The following ADAM22 variants were observed in gnomAD, a reference collection of about 807,000 sequenced individuals.
ADAM22 encodes disintegrin and metalloproteinase domain-containing protein 22.
In ADAM22, 65 loss-of-function variants were observed where a neutral mutation model predicts 144.6. That is an observed-to-expected ratio of 0.45 (90% CI 0.37 to 0.55). ADAM22 has a LOEUF of 0.55. Ranked by LOEUF, ADAM22 falls within the 20% of genes least tolerant of loss-of-function variation. The pLI is 0.00. For synonymous variants in ADAM22, 391 were observed against 412.6 expected (o/e 0.95, Z 0.63); for missense variants, 974 against 1,184.9 (o/e 0.82, Z 2.61).
chr7:88,022,609 C>T lies in ADAM22; in HGVS notation c.323+44197C>T, dbSNP rs1585072948. Among the ~76,000 whole-genome samples, 5 of 152,052 alleles carry T rather than the reference C, an allele frequency of 3.3e-5. No homozygotes were observed. The South Asian group carries it at 8.3e-4, about 25-fold the overall frequency. ...GAAAATTGTCTGGAAATTTTATGAT[C>T]TGTTTTGGTGTATGAAATTTAATTT... On this transcript the variant is annotated intron_variant, in intron 3 of 31. Transcript: ENST00000413139.
At chr7:88,047,720 A>G (rs967067870) in intron 3 of ADAM22, among the ~76,000 whole-genome samples, 3 of 152,278 alleles carry the variant, frequency 2.0e-5, no homozygotes, top group African/African-American at 7.2e-5. Flanking sequence ...TGAGTTTGTA[A>G]TACACTGAGA....
intron 2 of ADAM22, among the ~76,000 whole-genome samples, chr7:87,938,961 A>G (rs80281962): frequency 0.1 from 15,407 of 152,228 alleles, 1,048 homozygotes; most frequent in Admixed American, 0.21. Flanking sequence ...AAAGGCATTT[A>G]TTTATTTGTG....
At chr7:88,143,897 A>G (rs749349442) in intron 15 of ADAM22, among the ~76,000 whole-genome samples, 13 of 152,262 alleles carry the variant, frequency 8.5e-5, no homozygotes, top group Non-Finnish European at 1.5e-5. Context: ...AGACTCTTCG[A>G]AAGATTGGAA....
rs1374448457 is a variant in ADAM22, at chr7:88,117,691, TA to T, written c.607+879del. Among the ~76,000 whole-genome samples the T allele has an allele frequency of 6.7e-5, 9 of 134,198 alleles. No individual in the cohort carries two copies. The East Asian group carries it at 1.8e-3, about 27-fold the overall frequency. The allele number at this position is 134,198 out of a possible 152,430, so 88.0% of individuals were successfully genotyped here. A position where few individuals can be genotyped will look rare whatever the true frequency, so the allele number is the denominator to read the frequency against. On this transcript the variant is annotated intron_variant, in intron 7 of 31. Coordinates refer to ENST00000413139, the MANE Select transcript of ADAM22 (RefSeq NM_001324418.2). ...CTCCACTATTTAGTGAGCCTTATTT[TA>T]ATTTTTTTTTTTTTTTTTTGAGACA...
At chr7:88,138,234 A>G (rs1025866691) in intron 14 of ADAM22, among the ~76,000 whole-genome samples, 35 of 152,334 alleles carry the variant, frequency 2.3e-4, no homozygotes, top group African/African-American at 8.2e-4. Context: ...TAAAAGTTCT[A>G]TAGTTGCAGT....
intron 14 of ADAM22, among the ~76,000 whole-genome samples, chr7:88,139,460 G>T (rs1833980223): frequency 6.7e-6 from 1 of 148,350 alleles, no homozygotes; most frequent in African/African-American, 2.5e-5. Context: ...ATAAATAAAA[G>T]GAGGGGCTTT....
intron 22 of ADAM22, among the ~76,000 whole-genome samples, chr7:88,162,097 T>TACACACACACACACACACACACACAC (rs61053925): frequency 7.2e-4 from 99 of 136,826 alleles, no homozygotes; most frequent in African/African-American, 2.2e-3. Flanking sequence ...AAATGTGTAA[T>TACACACACACACACACACACACACAC]ACACACACAC....
chr7:88,076,611 G>A (rs541339627), intron 4 of ADAM22, among the ~76,000 whole-genome samples: 1 of 152,210 alleles, frequency 6.6e-6, no homozygotes, highest in African/African-American at 2.4e-5. Context: ...GAAATCTCAG[G>A]ATACTGGTTA....
chr7:87,945,825 T>C (rs1342222378), intron 2 of ADAM22, among the ~76,000 whole-genome samples: 1 of 152,162 alleles, frequency 6.6e-6, no homozygotes, highest in Non-Finnish European at 1.5e-5. Context: ...AGCCATTATG[T>C]CTTAGGAAGA....
intron 4 of ADAM22, among the ~76,000 whole-genome samples, chr7:88,102,829 T>C (rs1166828336): frequency 6.6e-6 from 1 of 152,216 alleles, no homozygotes; most frequent in Non-Finnish European, 1.5e-5. Context: ...CTTTACAGTG[T>C]ACTTTACATT....
At chr7:87,979,673 C>A (rs1463338538) in intron 3 of ADAM22, among the ~76,000 whole-genome samples, 1 of 152,090 alleles carries the variant, frequency 6.6e-6, no homozygotes, top group East Asian at 1.9e-4. Context: ...ATTTTCTTTG[C>A]TTCACTGATG....
At chr7:87,939,429 G>T (rs567021908) in intron 2 of ADAM22, among the ~76,000 whole-genome samples, 1 of 152,316 alleles carries the variant, frequency 6.6e-6, no homozygotes, top group Non-Finnish European at 1.5e-5. Context: ...AAGGATTTCA[G>T]TTAGGAGAGT....
At chr7:88,125,135 TA>T (rs746193691) in intron 7 of ADAM22, among the ~76,000 whole-genome samples, 4 of 152,028 alleles carry the variant, frequency 2.6e-5, no homozygotes, top group African/African-American at 9.7e-5. Context: ...AAGAAGAATA[TA>T]AATTAATTGG....
chr7:88,179,528 G>A (rs1470112609), intron 27 of ADAM22, among the ~76,000 whole-genome samples: 3 of 151,992 alleles, frequency 2.0e-5, no homozygotes, highest in Non-Finnish European at 4.4e-5. Flanking sequence ...GCTTCTCTGT[G>A]AATCATATAT....
At chr7:88,166,313 G>T (rs1445923626) in intron 24 of ADAM22, among the ~76,000 whole-genome samples, 1 of 152,116 alleles carries the variant, frequency 6.6e-6, no homozygotes, top group Non-Finnish European at 1.5e-5. Context: ...AACAATTAAA[G>T]AATTGGTTTT....
intron 3 of ADAM22, among the ~76,000 whole-genome samples, chr7:88,067,737 A>C (rs961300422): frequency 6.6e-6 from 1 of 152,068 alleles, no homozygotes; most frequent in African/African-American, 2.4e-5. Context: ...TTACTTGATC[A>C]CATTTATTGT....
chr7:88,177,710 G>A (rs145226588), intron 26 of ADAM22, among the ~76,000 whole-genome samples: 1 of 152,226 alleles, frequency 6.6e-6, no homozygotes, highest in Non-Finnish European at 1.5e-5. Context: ...CAGAATGAAT[G>A]ACCAAGTATT....
intron 27 of ADAM22, among the ~76,000 whole-genome samples, chr7:88,181,069 A>G (rs1846909187): frequency 6.6e-6 from 1 of 152,140 alleles, no homozygotes; most frequent in South Asian, 2.1e-4. Flanking sequence ...ACTTGAGCAA[A>G]TCTTTATGTA....
intron 3 of ADAM22, among the ~76,000 whole-genome samples, chr7:87,984,023 C>T (rs1244493516): frequency 1.3e-5 from 2 of 152,130 alleles, no homozygotes; most frequent in African/African-American, 4.8e-5. Context: ...ATAAACTTGA[C>T]TTTGTCATGT....
Sources: allele counts gnomAD v4.1 joint callset (sites outside exome capture counted in the v4.1 genomes callset), GRCh38; gene constraint gnomAD v4.1.1; transcripts MANE v1.5; gene names NCBI Gene and HGNC (gene_info 2026-07-23, HGNC 2026-07-21).